The following HERC2 variants were observed in gnomAD, a reference collection of about 807,000 sequenced individuals.
HERC2 encodes the protein HECT and RLD domain containing E3 ubiquitin protein ligase 2, also known as E3 ubiquitin-protein ligase HERC2.
In HERC2, 102 loss-of-function variants were observed where a neutral mutation model predicts 537.7. The observed-to-expected ratio is 0.19, with a 90% CI of 0.16 to 0.22. The LOEUF (loss-of-function observed/expected upper bound fraction) is 0.22. Ranked by LOEUF, HERC2 falls within the 10% of genes least tolerant of loss-of-function variation. The pLI, the probability that HERC2 is intolerant of heterozygous loss-of-function variation, is 1.00. For missense variants in HERC2, 4,236 were observed against 6,198.2 expected (o/e 0.68, Z 10.63); for synonymous variants, 2,224 against 2,466.2 (o/e 0.90, Z 2.91).
chr15:28,199,367 A>C (rs1461641397), intron 48 of HERC2, among the ~76,000 whole-genome samples: 1 of 152,200 alleles, frequency 6.6e-6, no homozygotes. Context: ...ATAACAGTGG[A>C]AACATCACAC....
intron 20 of HERC2, among the ~76,000 whole-genome samples, chr15:28,253,732 C>G (rs1466640257): frequency 6.6e-6 from 1 of 152,182 alleles, no homozygotes; most frequent in Non-Finnish European, 1.5e-5. Context: ...GAGGCCAAGG[C>G]GGGTAGATCA....
At chr15:28,132,614 G>A in intron 80 of HERC2, 39 bp downstream of exon 80, 1 of 1,372,222 alleles carries the variant, frequency 7.3e-7, no homozygotes, top group Non-Finnish European at 9.5e-7. Context: ...GCAGTGAGGA[G>A]CATGCAGCCT....
In HERC2 at chr15:28,248,578, C is replaced by G; in HGVS notation, c.3209G>C (p.Ser1070Thr). 1.2e-6 allele frequency: 2 copies of G among 1,613,974 alleles called. No individual in the cohort carries two copies. The highest frequency in any genetic ancestry group is 1.7e-6 in the Non-Finnish European group (2 of 1,179,868). ...LLISKLYPGE[S>T]IGQTSDISSP... ...AGAAATATCTGAGGTCTGACCAATA[C>G]TTTCTCCTGGATAAAGTTTACTAAT... The change falls in exon 21 of 93, where the codon AGT becomes ACT. Residue 1070 changes from serine to threonine, a missense_variant. Transcript: ENST00000261609.
At chr15:28,307,812 C>A (rs1435043274) in intron 2 of HERC2, among the ~76,000 whole-genome samples, 1 of 152,238 alleles carries the variant, frequency 6.6e-6, no homozygotes, top group East Asian at 1.9e-4. Context: ...AAGAGATTGT[C>A]TTTTCCCCAG....
chr15:28,317,132 C>T (rs1458080905), intron 2 of HERC2, among the ~76,000 whole-genome samples: 2 of 151,780 alleles, frequency 1.3e-5, no homozygotes, highest in Non-Finnish European at 2.9e-5. Context: ...GCTGTGTTGG[C>T]CAGGCTGGAG....
At chr15:28,276,675 T>C (rs1404426294) in intron 5 of HERC2, among the ~76,000 whole-genome samples, 1 of 150,842 alleles carries the variant, frequency 6.6e-6, no homozygotes, top group African/African-American at 2.4e-5. Flanking sequence ...GAGGTTGCAG[T>C]AAGCCAAGAT....
intron 56 of HERC2, among the ~76,000 whole-genome samples, chr15:28,185,119 T>C (rs1896179190): frequency 6.6e-6 from 1 of 151,604 alleles, no homozygotes; most frequent in Non-Finnish European, 1.5e-5. Flanking sequence ...TATTTTCTTT[T>C]CAACTTCTAC....
chr15:28,254,055 G>A (rs932901685), intron 20 of HERC2, among the ~76,000 whole-genome samples: 5 of 152,012 alleles, frequency 3.3e-5, no homozygotes, highest in Admixed American at 2.0e-4. Context: ...AGGCCAAGGC[G>A]GGCGGATCAC....
At chr15:28,184,675 C>A (rs1050310983) in intron 56 of HERC2, among the ~76,000 whole-genome samples, 20 of 151,800 alleles carry the variant, frequency 1.3e-4, no homozygotes, top group Non-Finnish European at 2.8e-4. Context: ...TCCTGGCTAA[C>A]ACGGTGAAAG....
chr15:28,275,433 G>A (rs1348439215), intron 5 of HERC2, among the ~76,000 whole-genome samples: 1 of 152,220 alleles, frequency 6.6e-6, no homozygotes, highest in Non-Finnish European at 1.5e-5. Flanking sequence ...TCCTCCACTC[G>A]AGGTCTGCTC....
At chr15:28,121,459 A>G (rs747091697) in intron 85 of HERC2, 30 bp from the exon 86 acceptor site, 2 of 1,532,806 alleles carry the variant, frequency 1.3e-6, no homozygotes, top group Non-Finnish European at 1.8e-6. Context: ...CAAAATTTAG[A>G]ATCTGATATG....
chr15:28,177,184 G>A lies in HERC2; in HGVS notation c.9255-57C>T. Reference sequence around the variant, plus strand: ...CAATCTGTCCCTTCTTAGAGATGAAGGAAAAAAGACATCTATACTGATCCA... The same window carrying A: ...CAATCTGTCCCTTCTTAGAGATGAAAGAAAAAAGACATCTATACTGATCCA... On this transcript the variant is annotated intron_variant, in intron 60 of 92. Transcript: ENST00000261609. This position sits in a 1 kb window ranked among gnomAD's most constrained non-coding sequence, Gnocchi z 5.0. 2.3e-5 allele frequency: 35 copies of A among 1,525,002 alleles called. No individual in the cohort carries two copies. The Admixed American group carries it at 3.2e-4, about 14-fold the overall frequency. The allele number at this position is 1,525,002 out of a possible 1,614,324, so 94.5% of individuals were successfully genotyped here. A position where few individuals can be genotyped will look rare whatever the true frequency, so the allele number is the denominator to read the frequency against.
chr15:28,305,551 G>A (rs1050488822), intron 2 of HERC2, among the ~76,000 whole-genome samples: 8 of 113,678 alleles, frequency 7.0e-5, no homozygotes, highest in Admixed American at 9.5e-5. Flanking sequence ...AGATTTAAAC[G>A]TTAGACCTAA....
chr15:28,315,563 G>T, intron 2 of HERC2: 1 of 446,938 alleles, frequency 2.2e-6, no homozygotes, highest in Non-Finnish European at 4.4e-6. Flanking sequence ...GGGAGGCCAA[G>T]GCAGGTGGAT....
intron 53 of HERC2, among the ~76,000 whole-genome samples, chr15:28,191,628 A>G (rs550239671): frequency 1.2e-4 from 18 of 152,286 alleles, no homozygotes; most frequent in African/African-American, 4.1e-4. Context: ...GTGCAACACA[A>G]ATTTGCTAGA....
chr15:28,142,659 A>C (rs1891341947), intron 75 of HERC2, among the ~76,000 whole-genome samples, 168 bp downstream of exon 75: 1 of 152,210 alleles, frequency 6.6e-6, no homozygotes, highest in Non-Finnish European at 1.5e-5. Context: ...TTATGGTTTA[A>C]GGGTTTAGAT....
chr15:28,290,065 C>T (rs1407974320), intron 4 of HERC2, among the ~76,000 whole-genome samples: 1 of 152,262 alleles, frequency 6.6e-6, no homozygotes, highest in Non-Finnish European at 1.5e-5. Flanking sequence ...TCTCTCCCCA[C>T]TTTGCCTGAG....
In HERC2 at chr15:28,220,599, C is replaced by CT. The variant is rs1459723106; in HGVS notation, c.5697dup (p.Glu1900ArgfsTer48). The CT allele has an allele frequency of 6.2e-7, 1 of 1,603,558 alleles. No individual in the cohort carries two copies. Among genetic ancestry groups the CT allele is most frequent in the Non-Finnish European group, 8.5e-7 (1 of 1,179,836 alleles). ...CACTGGACTCTTATCCATCCGTCCT[C>CT]TCCCAGCTCACCAATCACGCGGCCT... On this transcript the variant is annotated frameshift_variant, in exon 37 of 93. Coordinates refer to ENST00000261609, the MANE Select transcript of HERC2 (RefSeq NM_004667.6). LOFTEE classifies it high-confidence loss of function.
In HERC2 at chr15:28,274,951, C is replaced by A. The variant is rs753173937; in HGVS notation, c.597G>T (p.Ala199=). ...GGAAGGCAAAGGCAAAAGACAGCGC[C>A]GCTCGGGATCCCACTCTGGCGAGCC... ...VEGLARVGSR[A]ALSFAFAFLR... is the part of the protein sequence containing the mutation. The change falls in exon 6 of 93, where the codon GCG becomes GCT. Residue 199 remains alanine, a synonymous_variant. Transcript: ENST00000261609. The A allele has an allele frequency of 2.8e-5, 45 of 1,610,362 alleles. No homozygotes were observed. The highest frequency in any genetic ancestry group is 3.6e-5 in the Non-Finnish European group (42 of 1,179,990).
Sources: gnomAD v4.1 joint callset for allele counts (sites outside exome capture counted in the v4.1 genomes callset) on GRCh38, gnomAD v4.1.1 for gene constraint, Gnocchi (gnomAD v3.1) non-coding constraint, MANE v1.5 for transcripts, NCBI Gene and HGNC (gene_info 2026-07-23, HGNC 2026-07-21) for gene names.